FIRRM: variants seen among roughly 807,000 people sequenced by gnomAD.
FIRRM encodes the protein FIGNL1-interacting regulator of recombination and mitosis.
At chr1:169,841,854 T>A in the FIRRM span, among the ~76,000 whole-genome samples, 2 of 152,150 alleles carry the variant, frequency 1.3e-5, no homozygotes, top group Non-Finnish European at 2.9e-5. Context: ...TTCCATTTGG[T>A]AACTTTGGGT....
At chr1:169,800,962 G>T in the FIRRM span, 1 of 1,553,794 alleles carries the variant, frequency 6.4e-7, no homozygotes, top group Non-Finnish European at 8.9e-7. Flanking sequence ...TTTCACAAGT[G>T]TTACCAAAGG....
At chr1:169,829,667 A>G in the FIRRM span, among the ~76,000 whole-genome samples, 1 of 152,214 alleles carries the variant, frequency 6.6e-6, no homozygotes. Context: ...GTGGGGAGGT[A>G]TGCAAAGACA....
chr1:169,830,732 C>T, the FIRRM span: 6 of 1,613,692 alleles, frequency 3.7e-6, no homozygotes, highest in South Asian at 1.1e-5. Flanking sequence ...ACCATGTCAC[C>T]ATAGTGGCTC....
At chr1:169,839,082 G>A in the FIRRM span, among the ~76,000 whole-genome samples, 33 of 152,128 alleles carry the variant, frequency 2.2e-4, no homozygotes, top group Admixed American at 1.1e-3. Context: ...GTGTCTAGCC[G>A]CTCTCTGTTG....
chr1:169,811,417 G>A, the FIRRM span, among the ~76,000 whole-genome samples: 1 of 152,074 alleles, frequency 6.6e-6, no homozygotes, highest in East Asian at 1.9e-4. Context: ...CTTTTGAGAG[G>A]CCAAGGCAGA....
At chr1:169,853,587 A>G in the FIRRM span, 2 of 954,298 alleles carry the variant, frequency 2.1e-6, no homozygotes, top group Admixed American at 4.1e-5. Flanking sequence ...AGACTGGATA[A>G]TGAGCTCCTG....
the FIRRM span, among the ~76,000 whole-genome samples, chr1:169,809,418 C>T: frequency 5.2e-3 from 785 of 152,286 alleles, 2 homozygotes; most frequent in Non-Finnish European, 8.5e-3. Flanking sequence ...TCAACACCAA[C>T]CTCCTCCTTT....
the FIRRM span, chr1:169,805,973 G>A: frequency 7.4e-7 from 1 of 1,343,864 alleles, no homozygotes; most frequent in Non-Finnish European, 1.1e-6. Context: ...ACATTTGGAT[G>A]TCTTAAAAGT....
chr1:169,827,116 C>T, the FIRRM span: 7 of 1,613,826 alleles, frequency 4.3e-6, no homozygotes, highest in Non-Finnish European at 5.9e-6. Flanking sequence ...ATAGCAGGTG[C>T]TTTCCTAGTG....
the FIRRM span, among the ~76,000 whole-genome samples, chr1:169,822,929 C>T: frequency 8.5e-5 from 13 of 152,166 alleles, no homozygotes; most frequent in Non-Finnish European, 1.6e-4. Flanking sequence ...GTTTTTTAGC[C>T]TCATCCTCCT....
chr1:169,843,678 C>T, the FIRRM span: 21 of 1,606,630 alleles, frequency 1.3e-5, no homozygotes, highest in East Asian at 4.0e-4. Context: ...TCTTAGGTAG[C>T]AGATCAACCT....
At chr1:169,853,517 G>A in the FIRRM span, 4 of 577,154 alleles carry the variant, frequency 6.9e-6, no homozygotes, top group Non-Finnish European at 9.0e-6. Flanking sequence ...AGTACTGTGA[G>A]CCTCACCACC....
the FIRRM span, among the ~76,000 whole-genome samples, chr1:169,808,501 A>C: frequency 6.6e-6 from 1 of 152,130 alleles, no homozygotes; most frequent in Non-Finnish European, 1.5e-5. Context: ...TAACACTGTT[A>C]TACATAGTAC....
the FIRRM span, among the ~76,000 whole-genome samples, chr1:169,797,613 G>A: frequency 1.3e-5 from 2 of 152,134 alleles, no homozygotes; most frequent in East Asian, 1.9e-4. Flanking sequence ...GGAGTGCAGT[G>A]GTGCGATCTC....
the FIRRM span, among the ~76,000 whole-genome samples, chr1:169,837,896 A>G: frequency 6.6e-6 from 1 of 152,190 alleles, no homozygotes; most frequent in Non-Finnish European, 1.5e-5. Flanking sequence ...CTGAGTACAA[A>G]TGTTCTGATA....
chr1:169,820,732 A>G, the FIRRM span, among the ~76,000 whole-genome samples: 1 of 152,144 alleles, frequency 6.6e-6, no homozygotes, highest in Non-Finnish European at 1.5e-5. Context: ...ACGAAAGTTG[A>G]CTAATTGGTG....
the FIRRM span, chr1:169,827,693 G>A: frequency 6.2e-7 from 1 of 1,613,314 alleles, no homozygotes; most frequent in East Asian, 2.2e-5. Context: ...GAATTAATGT[G>A]TTTTTATTAC....
the FIRRM span, chr1:169,851,982 C>T: frequency 6.2e-7 from 1 of 1,613,376 alleles, no homozygotes; most frequent in South Asian, 1.1e-5. Flanking sequence ...AAGGCAAATT[C>T]TGCCCTTTTT....
At chr1:169,852,570 A>T in the FIRRM span, 1 of 559,580 alleles carries the variant, frequency 1.8e-6, no homozygotes, top group African/African-American at 1.9e-5. Context: ...TACCACATAC[A>T]AACTAAGACA....
Sources: allele counts gnomAD v4.1 joint callset (sites outside exome capture counted in the v4.1 genomes callset), GRCh38; gene constraint gnomAD v4.1.1; transcripts MANE v1.5; gene names NCBI Gene and HGNC (gene_info 2026-07-23, HGNC 2026-07-21).